PDE7B: variants seen among roughly 807,000 people sequenced by gnomAD.
The protein encoded by PDE7B is phosphodiesterase 7B.
PDE7B carries 29 observed loss-of-function variants against 56.2 expected under a neutral mutation model. The observed-to-expected ratio is 0.52, with a 90% confidence interval of 0.38 to 0.70. The LOEUF is 0.70. Among genes scored for constraint, PDE7B ranks in the 30% least tolerant of loss-of-function variants. PDE7B has a pLI of 0.00. For synonymous variants in PDE7B, 197 were observed against 196.9 expected (o/e 1.00, Z 0.00); for missense variants, 490 against 565.0 (o/e 0.87, Z 1.35).
In PDE7B at chr6:135,896,448, C is replaced by T. The variant is rs550008522; in HGVS notation, c.21+44429C>T. On this transcript the variant is annotated intron_variant, in intron 1 of 12. Transcript: ENST00000308191. Reference sequence around the variant, plus strand: ...CTCATAACTTTAGCACTAACACCCACGGCCTTGATCTATTTTTCTGCACCC... The same window carrying T: ...CTCATAACTTTAGCACTAACACCCATGGCCTTGATCTATTTTTCTGCACCC... Among the ~76,000 whole-genome samples, 14 of 152,242 alleles carry T rather than the reference C, an allele frequency of 9.2e-5. No homozygotes were observed. In the East Asian group the frequency reaches 1.7e-3, roughly 19 times the overall value.
At chr6:135,866,498 G>A (rs1199086779) in intron 1 of PDE7B, among the ~76,000 whole-genome samples, 2 of 152,080 alleles carry the variant, frequency 1.3e-5, no homozygotes, top group African/African-American at 4.8e-5. Flanking sequence ...ATCATTCTGA[G>A]GTTGCTAATA....
At chr6:135,976,353 C>T (rs1775187330) in intron 2 of PDE7B, among the ~76,000 whole-genome samples, 1 of 152,160 alleles carries the variant, frequency 6.6e-6, no homozygotes, top group African/African-American at 2.4e-5. Context: ...AATAAGTTCT[C>T]AGCCCCCATA....
chr6:135,950,335 T>C (rs867758128), intron 2 of PDE7B, among the ~76,000 whole-genome samples: 41 of 152,288 alleles, frequency 2.7e-4, no homozygotes, highest in African/African-American at 9.4e-4. Context: ...TCTCAGATAA[T>C]GTTCTTATGA....
intron 2 of PDE7B, among the ~76,000 whole-genome samples, chr6:136,025,349 G>C (rs1006441263): frequency 6.6e-6 from 1 of 152,164 alleles, no homozygotes; most frequent in Non-Finnish European, 1.5e-5. Context: ...TGATTATAAT[G>C]TGTTTCAGAA....
chr6:136,179,380 G>A (rs971166056), intron 10 of PDE7B, among the ~76,000 whole-genome samples: 4 of 151,926 alleles, frequency 2.6e-5, no homozygotes, highest in African/African-American at 7.3e-5. Flanking sequence ...ATCCACTCAG[G>A]GCCATGATCA....
intron 1 of PDE7B, among the ~76,000 whole-genome samples, chr6:135,858,886 G>A (rs1031071612): frequency 6.6e-6 from 1 of 152,134 alleles, no homozygotes; most frequent in African/African-American, 2.4e-5. Context: ...TTCAAACCGT[G>A]TTTAAGGAAA....
At chr6:136,089,756 A>G (rs1777355360) in intron 2 of PDE7B, among the ~76,000 whole-genome samples, 2 of 152,248 alleles carry the variant, frequency 1.3e-5, no homozygotes, top group South Asian at 4.1e-4. Context: ...AATATTTTTG[A>G]AAATTTCAAA....
chr6:136,136,589 G>T (rs1261345547), intron 3 of PDE7B, among the ~76,000 whole-genome samples: 1 of 151,974 alleles, frequency 6.6e-6, no homozygotes, highest in Non-Finnish European at 1.5e-5. Context: ...GTAACAGAAA[G>T]GATGAATGGT....
At chr6:136,005,827 C>A (rs1775771501) in intron 2 of PDE7B, among the ~76,000 whole-genome samples, 1 of 152,116 alleles carries the variant, frequency 6.6e-6, no homozygotes, top group Non-Finnish European at 1.5e-5. Context: ...ACTAGAAATA[C>A]CATTTGACAC....
At chr6:136,159,237 A>G (rs1778663005) in intron 8 of PDE7B, among the ~76,000 whole-genome samples, 1 of 152,218 alleles carries the variant, frequency 6.6e-6, no homozygotes, top group Admixed American at 6.5e-5. Context: ...ACGTGGTCCT[A>G]TGACCCCACC....
intron 2 of PDE7B, among the ~76,000 whole-genome samples, chr6:135,983,723 C>T (rs1480416017): frequency 6.6e-6 from 1 of 152,196 alleles, no homozygotes; most frequent in Non-Finnish European, 1.5e-5. Context: ...TGATTCTCTG[C>T]AGTCTATGTA....
intron 1 of PDE7B, among the ~76,000 whole-genome samples, chr6:135,934,310 A>G (rs1021100315): frequency 1.3e-5 from 2 of 152,224 alleles, no homozygotes; most frequent in African/African-American, 4.8e-5. Flanking sequence ...CTAATGAGAT[A>G]GAATATAGGT....
At chr6:135,863,260 TGAGA>T (rs1364544835) in intron 1 of PDE7B, among the ~76,000 whole-genome samples, 1 of 152,042 alleles carries the variant, frequency 6.6e-6, no homozygotes, top group Non-Finnish European at 1.5e-5. Context: ...TCCTCATGAT[TGAGA>T]ATTATTTTCC....
At chr6:135,856,221 C>A (rs937735138) in intron 1 of PDE7B, among the ~76,000 whole-genome samples, 1 of 152,100 alleles carries the variant, frequency 6.6e-6, no homozygotes, top group Non-Finnish European at 1.5e-5. Flanking sequence ...CTATCACTCC[C>A]CTGAGACAGT....
chr6:135,952,982 T>C (rs1774726714), intron 2 of PDE7B, among the ~76,000 whole-genome samples: 1 of 152,168 alleles, frequency 6.6e-6, no homozygotes, highest in African/African-American at 2.4e-5. Flanking sequence ...ATTCATCAGC[T>C]ACTTGTGAAA....
rs565134802 is a variant in PDE7B at position 136,039,579 on chromosome 6, TTAA to T, written c.83-69147_83-69145del. Among the ~76,000 whole-genome samples, 627 of 152,306 alleles carry T rather than the reference TTAA, an allele frequency of 4.1e-3. 1 individual carries two copies. Among genetic ancestry groups the T allele is most frequent in the Non-Finnish European group, 7.5e-3 (512 of 68,036 alleles). The stretch of plus-strand genomic sequence containing the variant: ...CCAGGAACTTTTTTTAAGTTATGAC[TTAA>T]TAATCTGTAAAGAATATTATTAAGA... On this transcript the variant is annotated intron_variant, in intron 2 of 12. Transcript: ENST00000308191.
intron 11 of PDE7B, among the ~76,000 whole-genome samples, chr6:136,186,349 G>A (rs1779144941): frequency 6.6e-6 from 1 of 152,104 alleles, no homozygotes; most frequent in South Asian, 2.1e-4. Context: ...GGTTGTTTGA[G>A]CCTAGGAGTT....
intron 2 of PDE7B, among the ~76,000 whole-genome samples, chr6:135,965,497 A>C (rs1229946084): frequency 2.0e-5 from 3 of 152,228 alleles, no homozygotes; most frequent in Non-Finnish European, 4.4e-5. Context: ...TAATTTATAA[A>C]GAAAAAGAGG....
intron 8 of PDE7B, among the ~76,000 whole-genome samples, chr6:136,159,869 T>C (rs1163518659): frequency 6.6e-6 from 1 of 152,198 alleles, no homozygotes; most frequent in Non-Finnish European, 1.5e-5. Flanking sequence ...ATCTGCCTTG[T>C]ATGATAGCAA....
Sources: allele counts gnomAD v4.1 joint callset (sites outside exome capture counted in the v4.1 genomes callset), GRCh38; gene constraint gnomAD v4.1.1; transcripts MANE v1.5; gene names NCBI Gene and HGNC (gene_info 2026-07-23, HGNC 2026-07-21).